EXD2: variants seen among roughly 807,000 people sequenced by gnomAD.
EXD2 encodes the protein exonuclease 3'-5' domain containing 2, also known as exonuclease 3'-5' domain-containing protein 2.
In EXD2, 40 loss-of-function variants were observed where a neutral mutation model predicts 62.5. The ratio of observed to expected loss-of-function variants is 0.64; its 90% confidence interval spans 0.50 to 0.83. The LOEUF is 0.83. EXD2 is among the 40% of genes least tolerant of loss of function. EXD2 has a pLI of 0.00. For missense variants in EXD2, 671 were observed against 761.8 expected (o/e 0.88, Z 1.40); for synonymous variants, 239 against 291.9 (o/e 0.82, Z 1.85).
chr14:69,237,395 C>G (rs971395370), intron 8 of EXD2, among the ~76,000 whole-genome samples, 180 bp from the exon 9 acceptor site: 1 of 152,148 alleles, frequency 6.6e-6, no homozygotes, highest in African/African-American at 2.4e-5. Flanking sequence ...AGCTAAGACA[C>G]AGATGGGCTG....
rs1462181570 is a variant in EXD2, at chr14:69,243,202, CA to C, written c.*2104del. ...TTTAGCAGGCTTTTCCTAAGACTGA[CA>C]ATTGTCGTCTTAAATCAGAGATTTG... On this transcript the variant is annotated 3_prime_UTR_variant, in exon 10 of 10. Coordinates refer to ENST00000685843, the MANE Select transcript of EXD2 (RefSeq NM_001193360.2). 1 of 152,156 alleles carries C rather than the reference CA, an allele frequency of 6.6e-6. No homozygotes were observed. The highest frequency in any genetic ancestry group is 6.5e-5 in the Admixed American group (1 of 15,270). 9.4% of individuals were successfully genotyped at this position (152,156 alleles called of 1,614,324 possible).
chr14:69,195,547 A>C (rs1020619423), intron 1 of EXD2, among the ~76,000 whole-genome samples: 2 of 152,176 alleles, frequency 1.3e-5, no homozygotes, highest in African/African-American at 4.8e-5. Flanking sequence ...ACACCATACA[A>C]TTCTTCAAAG....
chr14:69,217,526 TTATA>T (rs2043023721), intron 3 of EXD2, among the ~76,000 whole-genome samples: 1 of 152,112 alleles, frequency 6.6e-6, no homozygotes, highest in African/African-American at 2.4e-5. Flanking sequence ...AGGGAGAGAT[TTATA>T]TATCACATTT....
chr14:69,210,550 G>A (rs759331184), intron 3 of EXD2, among the ~76,000 whole-genome samples: 10 of 152,180 alleles, frequency 6.6e-5, no homozygotes, highest in Non-Finnish European at 8.8e-5. Context: ...GCTCATGACT[G>A]TAATCCCAGC....
At chr14:69,222,691 G>A (rs568017750) in intron 3 of EXD2, among the ~76,000 whole-genome samples, 2 of 138,684 alleles carry the variant, frequency 1.4e-5, no homozygotes, top group East Asian at 4.2e-4. Flanking sequence ...ATGATATAGA[G>A]TGATTGTTTG....
chr14:69,240,809 G>A (rs780982208), intron 9 of EXD2, 75 bp from the exon 10 acceptor site: 11 of 1,320,300 alleles, frequency 8.3e-6, no homozygotes, highest in South Asian at 3.9e-5. Context: ...CCCTTGGCGC[G>A]CAGCATTTGA....
intron 3 of EXD2, among the ~76,000 whole-genome samples, chr14:69,218,185 C>T (rs1382287237): frequency 6.6e-6 from 1 of 152,200 alleles, no homozygotes; most frequent in Non-Finnish European, 1.5e-5. Flanking sequence ...TCCACATCCT[C>T]TCCAGCACCT....
At chr14:69,213,696 C>T (rs1450488553) in intron 3 of EXD2, among the ~76,000 whole-genome samples, 1 of 148,534 alleles carries the variant, frequency 6.7e-6, no homozygotes. Flanking sequence ...TTTTTTGAGA[C>T]AGAGTCTCCA....
At chr14:69,201,672 G>GTTTTTTGTTTTTTTTTTTTTTTTTTTTT (rs2042402768) in intron 1 of EXD2, among the ~76,000 whole-genome samples, 1 of 58,992 alleles carries the variant, frequency 1.7e-5, no homozygotes, top group African/African-American at 6.8e-5. Context: ...TGTTTTCTCT[G>GTTTTTTGTTTTTTTTTTTTTTTTTTTTT]TTTTTTTTTT....
rs545468571 is a variant in EXD2 at position 69,220,905 on chromosome 14, T to C, written c.334-7911T>C. ...TCAATAAGAGATAGAGTTGTCCTTTTGCCCAGGTTGGAGTGCAGTGTCTCA... is the reference window on the plus strand; with the variant it reads ...TCAATAAGAGATAGAGTTGTCCTTTCGCCCAGGTTGGAGTGCAGTGTCTCA... On this transcript the variant is annotated intron_variant, in intron 3 of 9. Coordinates refer to ENST00000685843, the MANE Select transcript of EXD2 (RefSeq NM_001193360.2). 6.4e-4 allele frequency among the ~76,000 whole-genome samples: 98 copies of C among 152,250 alleles called. 1 individual carries two copies. Among genetic ancestry groups the C allele is most frequent in the Admixed American group, 1.5e-3 (23 of 15,294 alleles).
At chr14:69,221,613 A>T (rs900161969) in intron 3 of EXD2, among the ~76,000 whole-genome samples, 1 of 151,970 alleles carries the variant, frequency 6.6e-6, no homozygotes, top group East Asian at 1.9e-4. Context: ...CAAAAAAATT[A>T]AAAAATTAGC....
chr14:69,218,542 A>G (rs1315488450), intron 3 of EXD2, among the ~76,000 whole-genome samples: 1 of 152,070 alleles, frequency 6.6e-6, no homozygotes, highest in Non-Finnish European at 1.5e-5. Context: ...ATTAGATCCC[A>G]TTTGTCAATT....
In EXD2 at chr14:69,234,984, C is replaced by A. The variant is rs1408457004; in HGVS notation, c.1002C>A (p.Asp334Glu). The A allele has an allele frequency of 2.5e-6, 4 of 1,608,832 alleles. No homozygotes were observed. Among genetic ancestry groups the A allele is most frequent in the Middle Eastern group, 3.3e-4 (2 of 6,026 alleles). The change falls in exon 6 of 10, where the codon GAC (aspartate) becomes GAA (glutamate). Residue 334 changes from aspartate (D) to glutamate (E), a missense_variant. Coordinates refer to ENST00000685843, the MANE Select transcript of EXD2 (RefSeq NM_001193360.2). ...TGCCAGGCAACCACCAAGGGAGAGA[C>A]CCCAGAAAACATAAAAGAAAGCCTC... ...GMVPGNHQGR[D>E]PRKHKRKPLG...
At chr14:69,206,328 C>T (rs1278856756) in intron 2 of EXD2, among the ~76,000 whole-genome samples, 1 of 152,058 alleles carries the variant, frequency 6.6e-6, no homozygotes, top group Admixed American at 6.6e-5. Context: ...TAGGGTGGCA[C>T]TCCCCTGGAT....
At chr14:69,210,743 G>A (rs1383456159) in intron 3 of EXD2, among the ~76,000 whole-genome samples, 1 of 152,098 alleles carries the variant, frequency 6.6e-6, no homozygotes, top group Non-Finnish European at 1.5e-5. Context: ...CCAGGAGGTT[G>A]AAGCTGTCGT....
chr14:69,195,341 G>C (rs1363424173), intron 1 of EXD2, among the ~76,000 whole-genome samples: 1 of 152,162 alleles, frequency 6.6e-6, no homozygotes, highest in Non-Finnish European at 1.5e-5. Flanking sequence ...GGGACTACAG[G>C]TGTGTACCAC....
At chr14:69,233,978 G>A (rs1465885150) in intron 5 of EXD2, among the ~76,000 whole-genome samples, 1 of 152,004 alleles carries the variant, frequency 6.6e-6, no homozygotes, top group African/African-American at 2.4e-5. Flanking sequence ...TGTTGGCCAG[G>A]CTGGTTTCGA....
At position 69,209,664 on chromosome 14, in the gene EXD2, C is replaced by A. The variant is rs1247272137; in HGVS notation, c.194C>A (p.Ala65Asp). 6.4e-7 allele frequency: 1 copy of A among 1,550,432 alleles called. No individual in the cohort carries two copies. The highest frequency in any genetic ancestry group is 1.2e-5 in the South Asian group (1 of 84,046). The change falls in exon 3 of 10, where the codon GCC becomes GAC. Residue 65 changes from alanine (A) to aspartate (D), a missense_variant. Physicochemically the swap from Ala to Asp is moderately radical, Grantham distance 126. Coordinates refer to ENST00000685843, the MANE Select transcript of EXD2 (RefSeq NM_001193360.2). ...PPEDDQLHSS[A>D]PRSSWKERIL... Reference sequence around the variant, plus strand: ...GAAGATGATCAGCTGCACTCCAGTGCCCCCAGATCCTCGTGGAAGGAACGG... The same window carrying A: ...GAAGATGATCAGCTGCACTCCAGTGACCCCAGATCCTCGTGGAAGGAACGG...
intron 1 of EXD2, among the ~76,000 whole-genome samples, chr14:69,192,894 A>G (rs111776926): frequency 3.1e-4 from 47 of 152,272 alleles, no homozygotes; most frequent in African/African-American, 1.1e-3. Context: ...TGTTAGACAC[A>G]GTATGGCGGA....
Sources: gnomAD v4.1 joint callset for allele counts (sites outside exome capture counted in the v4.1 genomes callset) on GRCh38, gnomAD v4.1.1 for gene constraint, MANE v1.5 for transcripts, NCBI Gene and HGNC (gene_info 2026-07-23, HGNC 2026-07-21) for gene names.